Variants in CDH11 observed in about 807,000 individuals in gnomAD.
CDH11 encodes cadherin-11.
Under a neutral mutation model 67.8 loss-of-function variants are expected in CDH11, and 11 were observed. That is an observed-to-expected ratio of 0.16 (90% CI 0.10 to 0.27). The LOEUF is 0.27. Among genes scored for constraint, CDH11 ranks in the 10% least tolerant of loss-of-function variants. The pLI, the probability that CDH11 is intolerant of heterozygous loss-of-function variation, is 1.00. For missense variants in CDH11, 847 were observed against 1,031.2 expected, an observed-to-expected ratio of 0.82 and a Z score of 2.45; for synonymous variants, 419 against 400.0, an observed-to-expected ratio of 1.05 and a Z score of -0.57.
rs149802499 is a variant in CDH11, at chr16:65,085,244, C to A, written c.-297-31316G>T. ...TTATTTCTAACCATTCTTGCCCCTG[C>A]TGCTTATTGCTAGAGATTACCAGCC... On this transcript the variant is annotated intron_variant, in intron 1 of 12. Coordinates refer to ENST00000268603, the MANE Select transcript of CDH11 (RefSeq NM_001797.4). 2.4e-3 allele frequency among the ~76,000 whole-genome samples: 366 copies of A among 152,310 alleles called. 2 individuals carry two copies. The highest frequency in any genetic ancestry group is 8.1e-3 in the African/African-American group (336 of 41,580).
At chr16:64,962,633 G>C (rs1266087190) in intron 11 of CDH11, among the ~76,000 whole-genome samples, 3 of 152,160 alleles carry the variant, frequency 2.0e-5, no homozygotes, top group African/African-American at 7.2e-5. Context: ...ACTCTACCTG[G>C]TTCTCACAGT....
chr16:65,118,575 G>C (rs1315114457), intron 1 of CDH11, among the ~76,000 whole-genome samples: 1 of 152,076 alleles, frequency 6.6e-6, no homozygotes, highest in African/African-American at 2.4e-5. Context: ...TGACAAATTA[G>C]GTAACTTTTT....
At chr16:64,984,860 T>C (rs935210301) in intron 7 of CDH11, 3 of 152,208 alleles carry the variant, frequency 2.0e-5, no homozygotes, top group African/African-American at 7.2e-5. Context: ...CCGTGTTAAA[T>C]GTTATGTATC....
chr16:65,046,718 T>A (rs2073967607), intron 2 of CDH11, among the ~76,000 whole-genome samples: 2 of 152,310 alleles, frequency 1.3e-5, no homozygotes, highest in South Asian at 4.1e-4. Flanking sequence ...TTTGGGCAAC[T>A]TTTCTGTAGG....
intron 1 of CDH11, among the ~76,000 whole-genome samples, chr16:65,082,658 T>G (rs2074630599): frequency 6.6e-6 from 1 of 152,226 alleles, no homozygotes. Flanking sequence ...TAGTCATTCA[T>G]TCATTTATTC....
intron 7 of CDH11, chr16:64,986,552 AT>A (rs1324087167): frequency 6.6e-6 from 1 of 151,944 alleles, no homozygotes; most frequent in Non-Finnish European, 1.5e-5. Flanking sequence ...GTCAATGTTC[AT>A]ATGTCAGTGT....
intron 1 of CDH11, among the ~76,000 whole-genome samples, chr16:65,097,902 C>T (rs973652480): frequency 3.3e-5 from 5 of 152,154 alleles, no homozygotes; most frequent in Middle Eastern, 6.8e-3. Context: ...TCTGTGATTT[C>T]GCCCAATAAC....
At position 65,004,771 on chromosome 16, in the gene CDH11, G is replaced by A. The variant is rs35182; in HGVS notation, c.99C>T (p.Pro33=). The A allele has an allele frequency of 0.1, 165,518 of 1,601,248 alleles. 9,110 individuals carry two copies. The highest frequency in any genetic ancestry group is 0.11 in the Non-Finnish European group (133,504 of 1,173,214). The change falls in exon 3 of 13, where the codon CCC becomes CCT. Residue 33 remains proline (P), a synonymous_variant. Transcript: ENST00000268603. ...CCTTCTCATGGTGCCCATGGAAGGA[G>A]GGCCGCAGGTGCCCCCGCCGCTCTG... ...FAPERRGHLR[P]SFHGHHEKGK... is the part of the protein sequence containing the mutation.
At chr16:65,061,908 G>A (rs561158109) in intron 1 of CDH11, among the ~76,000 whole-genome samples, 1 of 152,258 alleles carries the variant, frequency 6.6e-6, no homozygotes, top group South Asian at 2.1e-4. Context: ...CAGGTTCTGT[G>A]GTTTTTCTTC....
chr16:64,954,950 A>AAT lies in CDH11; in HGVS notation c.1643-3933_1643-3932insAT, dbSNP rs1555511874. On this transcript the variant is annotated intron_variant, in intron 11 of 12. Coordinates refer to ENST00000268603, the MANE Select transcript of CDH11 (RefSeq NM_001797.4). ...AAAACCCTCTCTCTACTAAAAAATA[A>AAT]AAAAAAAAAAAAAAGGCCAGGCACA... 1.1e-3 allele frequency among the ~76,000 whole-genome samples: 66 copies of AAT among 58,006 alleles called. 1 individual carries two copies. The highest frequency in any genetic ancestry group is 0.011 in the Middle Eastern group (1 of 94). 38.1% of individuals were successfully genotyped at this position (58,006 alleles called of 152,430 possible).
Position 65,121,444 on chromosome 16 carries a change from C to T in CDH11, c.-298+436G>A, listed in dbSNP as rs1428478375. Among the ~76,000 whole-genome samples the T allele has an allele frequency of 1.3e-5, 2 of 152,140 alleles. No homozygotes were observed. The highest frequency in any genetic ancestry group is 4.8e-5 in the African/African-American group (2 of 41,452). On this transcript the variant is annotated intron_variant, in intron 1 of 12. Coordinates refer to ENST00000268603, the MANE Select transcript of CDH11 (RefSeq NM_001797.4). This position sits in a 1 kb window ranked among gnomAD's most constrained non-coding sequence, Gnocchi z 4.1. ...ACCCCGCAGAGCGCGGTCATGTCGC[C>T]GCTTTGGGGAAGCGGCGCAGGGCTG...
At chr16:64,971,350 C>T (rs1056234570) in intron 11 of CDH11, among the ~76,000 whole-genome samples, 4 of 152,230 alleles carry the variant, frequency 2.6e-5, no homozygotes, top group Non-Finnish European at 1.5e-5. Context: ...TTAGTTTTCC[C>T]ACTGCTTCAT....
chr16:65,076,472 G>A (rs182406045), intron 1 of CDH11, among the ~76,000 whole-genome samples: 48 of 152,288 alleles, frequency 3.2e-4, no homozygotes, highest in Admixed American at 3.1e-3. Flanking sequence ...GAGACTGGGT[G>A]GAGAAAAAGG....
At chr16:65,004,615 C>T (rs1479742684) in intron 3 of CDH11, 27 bp downstream of exon 3, 21 of 1,600,098 alleles carry the variant, frequency 1.3e-5, no homozygotes, top group Non-Finnish European at 1.8e-5. Context: ...GGTTGGAAAG[C>T]TCAGGATTGA....
chr16:65,062,883 C>A (rs1238530753), intron 1 of CDH11, among the ~76,000 whole-genome samples: 3 of 152,184 alleles, frequency 2.0e-5, no homozygotes, highest in Non-Finnish European at 4.4e-5. Context: ...TTTCTTCAGG[C>A]ACAAATTTGA....
chr16:64,972,080 G>A lies in CDH11; in HGVS notation c.1391-16C>T. On this transcript the variant is annotated splice_polypyrimidine_tract_variant and intron_variant, in intron 9 of 12. Coordinates refer to ENST00000268603, the MANE Select transcript of CDH11 (RefSeq NM_001797.4). ...TGCCGATTGTCTGGGAAGACAGAAT[G>A]CAGACAGTCAAGAAAGGTCAAGGAG... The A allele has an allele frequency of 6.2e-7, 1 of 1,612,440 alleles. No individual in the cohort carries two copies. Among genetic ancestry groups the A allele is most frequent in the Admixed American group, 1.7e-5 (1 of 59,974 alleles).
At chr16:64,985,982 C>A (rs767719857) in intron 7 of CDH11, 1 of 151,708 alleles carries the variant, frequency 6.6e-6, no homozygotes, top group African/African-American at 2.4e-5. Context: ...AAAGGGCCTG[C>A]CTGACAAATA....
At chr16:65,045,029 G>A (rs145496505) in intron 2 of CDH11, among the ~76,000 whole-genome samples, 111 of 151,908 alleles carry the variant, frequency 7.3e-4, no homozygotes, top group East Asian at 2.8e-3. Flanking sequence ...GGGCTGGCAC[G>A]GCAGGGACGT....
chr16:65,118,135 A>G (rs2075274039), intron 1 of CDH11, among the ~76,000 whole-genome samples: 1 of 152,206 alleles, frequency 6.6e-6, no homozygotes, highest in African/African-American at 2.4e-5. Context: ...GATGGGCTCC[A>G]TGCAGACAGT....
Sources: gnomAD v4.1 joint callset for allele counts (sites outside exome capture counted in the v4.1 genomes callset) on GRCh38, gnomAD v4.1.1 for gene constraint, Gnocchi (gnomAD v3.1) non-coding constraint, MANE v1.5 for transcripts, NCBI Gene and HGNC (gene_info 2026-07-23, HGNC 2026-07-21) for gene names.